FARP1: variants seen among roughly 807,000 people sequenced by gnomAD.
FARP1 encodes FERM, ARHGEF and pleckstrin domain-containing protein 1.
In FARP1, 52 loss-of-function variants were observed where a neutral mutation model predicts 128.8. The observed-to-expected ratio is 0.40, with a 90% CI of 0.32 to 0.51. The LOEUF is 0.51. FARP1 is among the 20% of genes least tolerant of loss of function. FARP1 has a pLI of 0.45. For missense variants in FARP1, 1,333 were observed against 1,367.9 expected (o/e 0.97, Z 0.40); for synonymous variants, 580 against 551.8 (o/e 1.05, Z -0.72).
At position 98,265,663 on chromosome 13, in the gene FARP1, T is replaced by C. The variant is rs183063654; in HGVS notation, c.171+52250T>C. On this transcript the variant is annotated intron_variant, in intron 2 of 26. Transcript: ENST00000319562. ...ACATGTGAGATCATATCCAGCTGTTTAGACACACACACAATTAGGTGATTT... is the reference window on the plus strand; with the variant it reads ...ACATGTGAGATCATATCCAGCTGTTCAGACACACACACAATTAGGTGATTT... Among the ~76,000 whole-genome samples, 4 of 152,328 alleles carry C rather than the reference T, an allele frequency of 2.6e-5. No homozygotes were observed. In the East Asian group the frequency reaches 7.7e-4, roughly 29 times the overall value.
rs1223312089 is a variant in FARP1 at position 98,449,493 on chromosome 13, G to A, written c.*1176G>A. 1 of 152,302 alleles carries A rather than the reference G, an allele frequency of 6.6e-6. No homozygotes were observed. The highest frequency in any genetic ancestry group is 1.5e-5 in the Non-Finnish European group (1 of 68,034). 9.4% of individuals were successfully genotyped at this position (152,302 alleles called of 1,614,324 possible). A position where few individuals can be genotyped will look rare whatever the true frequency, so the allele number is the denominator to read the frequency against. Reference sequence around the variant, plus strand: ...GGTTTTCCTAAGCCCTTTCTAACGAGAGTCTCAAACAAGCGGAGGCGAGGG... The same window carrying A: ...GGTTTTCCTAAGCCCTTTCTAACGAAAGTCTCAAACAAGCGGAGGCGAGGG... On this transcript the variant is annotated 3_prime_UTR_variant, in exon 27 of 27. Transcript: ENST00000319562.
intron 5 of FARP1, among the ~76,000 whole-genome samples, chr13:98,376,633 C>A (rs1261967624): frequency 6.6e-6 from 1 of 152,114 alleles, no homozygotes; most frequent in Non-Finnish European, 1.5e-5. Context: ...TCGGTACACA[C>A]CTAGTACTGG....
chr13:98,200,396 C>CCCCCCCCGG (rs1555327094), intron 1 of FARP1, among the ~76,000 whole-genome samples: 5 of 147,148 alleles, frequency 3.4e-5, no homozygotes, highest in African/African-American at 1.3e-4. Context: ...CACCCCCCCC[C>CCCCCCCCGG]CCTCCCCTTT....
Position 98,384,651 on chromosome 13 carries a change from G to A in FARP1, c.497-79G>A, listed in dbSNP as rs1890027887. On this transcript the variant is annotated intron_variant, in intron 6 of 26. Transcript: ENST00000319562. ...CACCTTATGTTGTCTGCTAGCTTCT[G>A]TTTGGCTCACTGGGGAATATTGACA... is the stretch of plus-strand genomic sequence containing the variant. The A allele has an allele frequency of 1.2e-4, 98 of 840,942 alleles. 1 individual carries two copies. In the South Asian group the frequency reaches 1.5e-3, roughly 12 times the overall value. The allele number at this position is 840,942 out of a possible 1,614,324, so 52.1% of individuals were successfully genotyped here.
At chr13:98,424,217 G>A (rs1313815921) in intron 16 of FARP1, among the ~76,000 whole-genome samples, 5 of 152,212 alleles carry the variant, frequency 3.3e-5, no homozygotes, top group Non-Finnish European at 7.3e-5. Flanking sequence ...TATTGCAAAT[G>A]ATCTCTGTGC....
chr13:98,220,819 T>C (rs979391459), intron 2 of FARP1, among the ~76,000 whole-genome samples: 5 of 152,112 alleles, frequency 3.3e-5, no homozygotes, highest in Admixed American at 2.6e-4. Flanking sequence ...AGCTCTGATA[T>C]GCTTGCAGTA....
Sources: allele counts gnomAD v4.1 joint callset (sites outside exome capture counted in the v4.1 genomes callset), GRCh38; gene constraint gnomAD v4.1.1; transcripts MANE v1.5; gene names NCBI Gene and HGNC (gene_info 2026-07-23, HGNC 2026-07-21).